The following PIGN variants were observed in gnomAD, a reference collection of about 807,000 sequenced individuals.
The protein encoded by PIGN is GPI ethanolamine phosphate transferase 1.
Under a neutral mutation model 125.4 loss-of-function variants are expected in PIGN, and 117 were observed. That is an observed-to-expected ratio of 0.93 (90% CI 0.80 to 1.09). PIGN has a LOEUF of 1.09. PIGN is among the 50% of genes least tolerant of loss of function. The probability of loss-of-function intolerance (pLI) is 0.00; values close to 1 mark genes in which losing one functional copy is unlikely to be tolerated. For missense variants in PIGN, 1,075 were observed against 1,094.9 expected (o/e 0.98, Z 0.26); for synonymous variants, 392 against 377.8 (o/e 1.04, Z -0.44).
At chr18:62,111,165 G>A (rs1422714943) in intron 16 of PIGN, among the ~76,000 whole-genome samples, 1 of 151,952 alleles carries the variant, frequency 6.6e-6, no homozygotes, top group Non-Finnish European at 1.5e-5. Context: ...TGTCCTTGTG[G>A]AAAACAGGTA....
chr18:62,180,339 TTTA>T (rs1255730833), intron 1 of PIGN, among the ~76,000 whole-genome samples: 3 of 152,206 alleles, frequency 2.0e-5, no homozygotes, highest in Admixed American at 1.3e-4. Context: ...AAAGTTTTAT[TTTA>T]AATTATTCTA....
At chr18:62,105,401 A>G (rs924263907) in intron 20 of PIGN, 142 bp downstream of exon 20, 2 of 570,492 alleles carry the variant, frequency 3.5e-6, no homozygotes, top group African/African-American at 3.8e-5. Flanking sequence ...AATCATGACT[A>G]ATGGTTTGAT....
rs9965689 is a variant in PIGN, at chr18:62,143,260, T to C, written c.963+46A>G. On this transcript the variant is annotated intron_variant, in intron 11 of 30. Coordinates refer to ENST00000640252, the MANE Select transcript of PIGN (RefSeq NM_176787.5). ...TCATAGTTTTTGTCTAACCTTCTTA[T>C]AGAAGATAAAATTAAATTTGAATGT... The C allele has an allele frequency of 0.029, 28,277 of 983,640 alleles. 1,073 individuals are homozygous for C. Among genetic ancestry groups the C allele is most frequent in the East Asian group, 0.12 (4,473 of 38,196 alleles). The allele number at this position is 983,640 out of a possible 1,614,324, so 60.9% of individuals were successfully genotyped here.
At chr18:62,023,228 C>T (rs1482103339) in intron 23 of PIGN, among the ~76,000 whole-genome samples, 1 of 152,292 alleles carries the variant, frequency 6.6e-6, no homozygotes, top group East Asian at 1.9e-4. Flanking sequence ...TTAGCAGTCA[C>T]TCCTTATTCC....
chr18:62,140,569 CATG>C (rs2036098034), intron 11 of PIGN, 90 bp from the exon 12 acceptor site: 2 of 639,980 alleles, frequency 3.1e-6, no homozygotes, highest in Non-Finnish European at 2.8e-6. Context: ...GGAAAATAAC[CATG>C]ATATTTGTTA....
intron 1 of PIGN, among the ~76,000 whole-genome samples, chr18:62,180,454 A>G (rs1254098217): frequency 6.6e-6 from 1 of 152,200 alleles, no homozygotes; most frequent in East Asian, 1.9e-4. Context: ...ACTAATTTAC[A>G]TACTCTCCAG....
downstream of PIGN, among the ~76,000 whole-genome samples, chr18:62,040,710 A>C (rs1384452161): frequency 6.6e-6 from 1 of 152,232 alleles, no homozygotes; most frequent in African/African-American, 2.4e-5. Context: ...TAACTTTAAG[A>C]ATATTACTTC....
Position 62,102,898 on chromosome 18 carries a change from C to G in PIGN, c.1864G>C (p.Gly622Arg), listed in dbSNP as rs751201901. 2 of 1,542,626 alleles carry G rather than the reference C, an allele frequency of 1.3e-6. No homozygotes were observed. Among genetic ancestry groups the G allele is most frequent in the African/African-American group, 2.8e-5 (2 of 72,084 alleles). The change falls in exon 21 of 31, where the codon GGT (glycine) becomes CGT (arginine). Residue 622 changes from glycine (G) to arginine (R), a missense_variant. Coordinates refer to ENST00000640252, the MANE Select transcript of PIGN (RefSeq NM_176787.5). Reference sequence around the variant, plus strand: ...AACAGAAGAACCAGCAAGCCTGCACCCATCCTGTTTTGAAATACAATTAAT... The same window carrying G: ...AACAGAAGAACCAGCAAGCCTGCACGCATCCTGTTTTGAAATACAATTAAT... ...GRKPDISLVMGAGLLVLLLSL... is the reference protein window; with the variant it reads ...GRKPDISLVMRAGLLVLLLSL...
chr18:62,104,394 G>A (rs574047470), intron 20 of PIGN, among the ~76,000 whole-genome samples: 5 of 152,192 alleles, frequency 3.3e-5, no homozygotes, highest in African/African-American at 1.2e-4. Flanking sequence ...GAAGGAAAGG[G>A]GCTTTATAGA....
chr18:62,146,976 T>G lies in PIGN; in HGVS notation c.800A>C (p.Asp267Ala). The change falls in exon 9 of 31, where the codon GAC becomes GCC. Residue 267 changes from aspartate to alanine, a missense_variant. Around this residue, in one of 3 missense-constraint regions of PIGN, gnomAD observed 915 missense variants for 908.7 expected, o/e 1.01. Coordinates refer to ENST00000640252, the MANE Select transcript of PIGN (RefSeq NM_176787.5). ...FIFTSDHGMT[D>A]WGSHGAGHPS... ...TCAATTAAAGACACACTAACCCCAG[T>G]CTGTCATTCCATGGTCAGAGGTAAA... 1 of 1,611,802 alleles carries G rather than the reference T, an allele frequency of 6.2e-7. No individual in the cohort carries two copies. Among genetic ancestry groups the G allele is most frequent in the Non-Finnish European group, 8.5e-7 (1 of 1,178,372 alleles).
chr18:62,110,596 C>T (rs2034837323), intron 16 of PIGN, among the ~76,000 whole-genome samples: 1 of 151,944 alleles, frequency 6.6e-6, no homozygotes, highest in South Asian at 2.1e-4. Flanking sequence ...TCATTCAATC[C>T]GTTGAAAACC....
At chr18:62,102,952 ACATAT>A in intron 20 of PIGN, 50 bp from the exon 21 acceptor site, 1 of 1,020,126 alleles carries the variant, frequency 9.8e-7, no homozygotes, top group Non-Finnish European at 1.4e-6. Flanking sequence ...ATTTACGAAC[ACATAT>A]CAGATGGAAA....
Position 62,086,623 on chromosome 18 carries a change from T to G in PIGN, c.2371-1359A>C, listed in dbSNP as rs201780721. On this transcript the variant is annotated intron_variant, in intron 25 of 30. Transcript: ENST00000640252. ...AGAGTAAGACTCCGTTTTTTGTTTT[T>G]TTTTTTTTTTTAAAAAGCCTGAACT... is the stretch of plus-strand genomic sequence containing the variant. Among the ~76,000 whole-genome samples the G allele has an allele frequency of 9.4e-3, 1,423 of 151,518 alleles. 45 individuals are homozygous for G. Among genetic ancestry groups the G allele is most frequent in the East Asian group, 0.069 (354 of 5,154 alleles).
At chr18:62,179,433 G>C (rs1271388999) in intron 1 of PIGN, among the ~76,000 whole-genome samples, 1 of 152,168 alleles carries the variant, frequency 6.6e-6, no homozygotes, top group Admixed American at 6.5e-5. Context: ...GTTAAACCCA[G>C]TCAATTGTGT....
chr18:62,091,856 T>C (rs973004284), intron 23 of PIGN, among the ~76,000 whole-genome samples: 2 of 152,216 alleles, frequency 1.3e-5, no homozygotes, highest in African/African-American at 4.8e-5. Context: ...CAAGTCTGTC[T>C]GTCTCATTAC....
In PIGN at chr18:62,146,109, A is replaced by C. The variant is rs572165006; in HGVS notation, c.806-84T>G. The C allele has an allele frequency of 5.9e-5, 36 of 608,920 alleles. No individual in the cohort carries two copies. In the East Asian group the frequency reaches 1.0e-3, roughly 17 times the overall value. 37.7% of individuals were successfully genotyped at this position (608,920 alleles called of 1,614,324 possible). The stretch of plus-strand genomic sequence containing the variant: ...ATATTTTTTAAAATAGTTTGTTTTA[A>C]AGAGTTGATCCATATATAGTTAATT... On this transcript the variant is annotated intron_variant, in intron 9 of 30. Transcript: ENST00000640252.
At chr18:62,018,341 A>T (rs2030008029) in intron 23 of PIGN, among the ~76,000 whole-genome samples, 1 of 152,244 alleles carries the variant, frequency 6.6e-6, no homozygotes, top group African/African-American at 2.4e-5. Context: ...GCGAGGGCTC[A>T]TGCACATTCA....
Position 62,044,967 on chromosome 18 carries a change from A to T in PIGN, c.*889T>A, listed in dbSNP as rs1239813647. On this transcript the variant is annotated 3_prime_UTR_variant, in exon 31 of 31. Coordinates refer to ENST00000640252, the MANE Select transcript of PIGN (RefSeq NM_176787.5). ...GAATCTCACAACCAGAAAGAATAACACCTTTAATATGAATTCTTATGATAT... is the reference window on the plus strand; with the variant it reads ...GAATCTCACAACCAGAAAGAATAACTCCTTTAATATGAATTCTTATGATAT... 1.3e-5 allele frequency: 2 copies of T among 152,094 alleles called. No individual in the cohort carries two copies. Among genetic ancestry groups the T allele is most frequent in the Non-Finnish European group, 2.9e-5 (2 of 68,018 alleles). 9.4% of individuals were successfully genotyped at this position (152,094 alleles called of 1,614,324 possible).
intron 14 of PIGN, among the ~76,000 whole-genome samples, chr18:62,125,225 CAT>C (rs1330498613): frequency 1.9e-4 from 14 of 75,234 alleles, no homozygotes; most frequent in African/African-American, 5.5e-4. Context: ...CACGTTTGTA[CAT>C]ATGTGTATAT....
Sources: gnomAD v4.1 joint callset for allele counts (sites outside exome capture counted in the v4.1 genomes callset) on GRCh38, gnomAD v4.1.1 for gene constraint, gnomAD v4.1.1 regional missense constraint, MANE v1.5 for transcripts, NCBI Gene and HGNC (gene_info 2026-07-23, HGNC 2026-07-21) for gene names.